Variants in PICK1 observed in about 807,000 individuals in gnomAD.
PICK1 encodes the protein protein interacting with PRKCA 1.
Under a neutral mutation model 48.9 loss-of-function variants are expected in PICK1, and 23 were observed. The ratio of observed to expected loss-of-function variants is 0.47; its 90% CI spans 0.34 to 0.67. PICK1 has a LOEUF of 0.67. PICK1 is among the 30% of genes least tolerant of loss of function. PICK1 has a pLI of 0.01. For missense variants in PICK1, 423 were observed against 557.1 expected, an observed-to-expected ratio of 0.76 and a Z score of 2.42; for synonymous variants, 217 against 228.2, an observed-to-expected ratio of 0.95 and a Z score of 0.44.
chr22:38,073,064 A>G lies in PICK1; in HGVS notation c.755A>G (p.Lys252Arg), dbSNP rs1601958645. The change falls in exon 10 of 13, where the codon AAG becomes AGG. Residue 252 changes from lysine (K) to arginine (R), a missense_variant. By Grantham distance (26) the Lys-to-Arg change is conservative. Transcript: ENST00000356976. The surrounding 1 kb of genome is among the most constrained non-coding windows in gnomAD (Gnocchi z 5.7). ...CCGGACACTCGCCTCACCATCAAGAAGTACCTGGACGTGAAGTTTGAGTAC... is the reference window on the plus strand; with the variant it reads ...CCGGACACTCGCCTCACCATCAAGAGGTACCTGGACGTGAAGTTTGAGTAC... ...AIPDTRLTIKKYLDVKFEYLS... is the reference protein window; with the variant it reads ...AIPDTRLTIKRYLDVKFEYLS... 1 of 1,613,566 alleles carries G rather than the reference A, an allele frequency of 6.2e-7. No individual in the cohort carries two copies. Among genetic ancestry groups the G allele is most frequent in the South Asian group, 1.1e-5 (1 of 91,086 alleles).
At chr22:38,058,874 G>T (rs2085333757) in intron 2 of PICK1, among the ~76,000 whole-genome samples, 1 of 152,174 alleles carries the variant, frequency 6.6e-6, no homozygotes, top group African/African-American at 2.4e-5. Flanking sequence ...AGGCGTGGTG[G>T]CAGGCACCTG....
chr22:38,074,434 T>C lies in PICK1; in HGVS notation c.962T>C (p.Leu321Pro). The C allele has an allele frequency of 6.2e-7, 1 of 1,613,154 alleles. No homozygotes were observed. The highest frequency in any genetic ancestry group is 1.1e-5 in the South Asian group (1 of 91,076). The change falls in exon 12 of 13, where the codon CTG becomes CCG. Residue 321 changes from leucine to proline, a missense_variant. This residue lies in a region of PICK1 where 144 missense variants were observed against 139.3 expected (regional missense o/e 1.03). Transcript: ENST00000356976. This position sits in a 1 kb window ranked among gnomAD's most constrained non-coding sequence, Gnocchi z 4.5. The stretch of plus-strand genomic sequence containing the variant: ...AAGGATGTGCTGGAGAAGATGGAGC[T>C]GCTGGACCAGAAGCACGGTGAGCGC... ...MRKDVLEKME[L>P]LDQKHVQDIV... is the part of the protein sequence containing the mutation.
At position 38,062,342 on chromosome 22, in the gene PICK1, G is replaced by C. The variant is rs575443759; in HGVS notation, c.154-2660G>C. Among the ~76,000 whole-genome samples the C allele has an allele frequency of 2.2e-4, 33 of 151,726 alleles. No homozygotes were observed. The South Asian group carries it at 6.9e-3, about 32-fold the overall frequency. On this transcript the variant is annotated intron_variant, in intron 3 of 12. Transcript: ENST00000356976. ...GGCTCACTGCAACCTCCAGCCCCCG[G>C]GTTCAAGTGATTCCCCTGCCTCAGC... is the stretch of plus-strand genomic sequence containing the variant.
Position 38,074,749 on chromosome 22 carries a change from C to A in PICK1, c.980-115C>A. The A allele has an allele frequency of 2.2e-6, 3 of 1,378,142 alleles. No individual in the cohort carries two copies. Among genetic ancestry groups the A allele is most frequent in the Non-Finnish European group, 3.0e-6 (3 of 1,001,436 alleles). 85.4% of individuals were successfully genotyped at this position (1,378,142 alleles called of 1,614,324 possible). Reference sequence around the variant, plus strand: ...CAGGTCATGAGGGGTCAGGGAAGTGCCCGAGTGGGAAGCCCAGGGGAGGCG... The same window carrying A: ...CAGGTCATGAGGGGTCAGGGAAGTGACCGAGTGGGAAGCCCAGGGGAGGCG... On this transcript the variant is annotated intron_variant, in intron 12 of 12. Coordinates refer to ENST00000356976, the MANE Select transcript of PICK1 (RefSeq NM_012407.4). The surrounding 1 kb of genome is among the most constrained non-coding windows in gnomAD (Gnocchi z 4.5).
At chr22:38,071,794 CCT>C in intron 8 of PICK1, 50 bp downstream of exon 8, 1 of 1,485,144 alleles carries the variant, frequency 6.7e-7, no homozygotes, top group South Asian at 1.1e-5. Flanking sequence ...ATCCCTGGGG[CCT>C]CTCACTCCCA....
chr22:38,069,232 C>A, intron 6 of PICK1, 110 bp downstream of exon 6: 1 of 778,594 alleles, frequency 1.3e-6, no homozygotes, highest in Non-Finnish European at 2.2e-6. Flanking sequence ...CGGGTCTGAC[C>A]CTGGCCTCTG....
chr22:38,065,345 T>C, intron 4 of PICK1: 1 of 543,342 alleles, frequency 1.8e-6, no homozygotes, highest in South Asian at 1.8e-5. Context: ...GTGCTGAACC[T>C]TGGCAAGAGA....
chr22:38,071,509 G>A (rs1037879500), intron 7 of PICK1, among the ~76,000 whole-genome samples, 173 bp from the exon 8 acceptor site: 11 of 152,206 alleles, frequency 7.2e-5, no homozygotes, highest in South Asian at 2.1e-4. Flanking sequence ...GGCTCCTCAC[G>A]GGTTGGGTCG....
At position 38,074,923 on chromosome 22, in the gene PICK1, G is replaced by A. The variant is rs765117173; in HGVS notation, c.1039G>A (p.Asp347Asn). 3.1e-6 allele frequency: 5 copies of A among 1,613,502 alleles called. No individual in the cohort carries two copies. The highest frequency in any genetic ancestry group is 1.6e-4 in the Middle Eastern group (1 of 6,084). Residue 347 changes from aspartate to asparagine, a missense_variant, in exon 13 of 13, where the codon GAC becomes AAC. Around this residue, in one of 2 missense-constraint regions of PICK1, gnomAD observed 144 missense variants for 139.3 expected, o/e 1.03. Transcript: ENST00000356976. This position sits in a 1 kb window ranked among gnomAD's most constrained non-coding sequence, Gnocchi z 4.5. ...GTCCACCATGTCCAAGTACTACAAC[G>A]ACTGCTACGCAGTGCTGCGGGATGC... ...LVSTMSKYYN[D>N]CYAVLRDADV...
At position 38,072,956 on chromosome 22, in the gene PICK1, C is replaced by A. The variant is rs371908586; in HGVS notation, c.691-44C>A. ...AGTGCCATTCATTGTCACCCTGGCACACCCCTGCCGTGACAGCCTCAGCAT... is the reference window on the plus strand; with the variant it reads ...AGTGCCATTCATTGTCACCCTGGCAAACCCCTGCCGTGACAGCCTCAGCAT... On this transcript the variant is annotated intron_variant, in intron 9 of 12. Transcript: ENST00000356976. 6.9e-6 allele frequency: 9 copies of A among 1,310,732 alleles called. No individual in the cohort carries two copies. The East Asian group carries it at 1.8e-4, about 27-fold the overall frequency. The allele number at this position is 1,310,732 out of a possible 1,614,324, so 81.2% of individuals were successfully genotyped here.
rs1432812979 is a variant in PICK1, at chr22:38,067,685, G to T, written c.283-19G>T. ...GGTGTGGAGCCTCGCTCACTAGTCT[G>T]TGTGTGCTGCTCTTCCAGGGGGAGG... On this transcript the variant is annotated intron_variant, in intron 4 of 12. Transcript: ENST00000356976. 2 of 1,610,742 alleles carry T rather than the reference G, an allele frequency of 1.2e-6. No individual in the cohort carries two copies. Among genetic ancestry groups the T allele is most frequent in the Non-Finnish European group, 1.7e-6 (2 of 1,177,096 alleles).
chr22:38,075,233 T>C lies in PICK1; in HGVS notation c.*101T>C. 8.4e-7 allele frequency: 1 copy of C among 1,197,370 alleles called. No homozygotes were observed. Among genetic ancestry groups the C allele is most frequent in the African/African-American group, 1.5e-5 (1 of 65,528 alleles). 74.2% of individuals were successfully genotyped at this position (1,197,370 alleles called of 1,614,324 possible). A position where few individuals can be genotyped will look rare whatever the true frequency, so the allele number is the denominator to read the frequency against. The stretch of plus-strand genomic sequence containing the variant: ...AAGGGGGCGACGCATAAAGGCCTGC[T>C]GGCTTGGGGCGCCTGCCTCCCTGCT... On this transcript the variant is annotated 3_prime_UTR_variant, in exon 13 of 13. Transcript: ENST00000356976.
intron 7 of PICK1, 46 bp from the exon 8 acceptor site, chr22:38,071,635 GT>G (rs2085695715): frequency 6.4e-7 from 1 of 1,561,504 alleles, no homozygotes; most frequent in African/African-American, 1.4e-5. Flanking sequence ...GGCCAGTGTG[GT>G]CCCCGCCATG....
Position 38,073,854 on chromosome 22 carries a change from C to T in PICK1, c.834+31C>T. 6.2e-7 allele frequency: 1 copy of T among 1,603,894 alleles called. No homozygotes were observed. Among genetic ancestry groups the T allele is most frequent in the South Asian group, 1.1e-5 (1 of 90,912 alleles). ...TGTTGGAGGGGGTGGGGGGCTTGTA[C>T]TTCCCCCCACCTGGTCTGCCAGGGA... On this transcript the variant is annotated intron_variant, in intron 11 of 12. Transcript: ENST00000356976. The surrounding 1 kb of genome is among the most constrained non-coding windows in gnomAD (Gnocchi z 5.7).
chr22:38,070,521 A>G (rs2085652322), intron 6 of PICK1, among the ~76,000 whole-genome samples: 1 of 152,150 alleles, frequency 6.6e-6, no homozygotes, highest in African/African-American at 2.4e-5. Flanking sequence ...TTCCTGCGCT[A>G]GAGGCCTGGC....
chr22:38,064,861 G>T (rs999779302), intron 3 of PICK1, 141 bp from the exon 4 acceptor site: 9 of 944,794 alleles, frequency 9.5e-6, no homozygotes, highest in Non-Finnish European at 1.5e-5. Context: ...CTGCACTCCA[G>T]CCCGGGTGGT....
intron 3 of PICK1, among the ~76,000 whole-genome samples, chr22:38,061,224 C>T (rs1320612129): frequency 2.6e-5 from 4 of 151,918 alleles, no homozygotes; most frequent in Non-Finnish European, 5.9e-5. Context: ...TCCTGTAATC[C>T]CAGCTACTTG....
intron 4 of PICK1, among the ~76,000 whole-genome samples, chr22:38,067,307 CTTTTTTTTTTTT>C (rs33993578): frequency 9.0e-6 from 1 of 110,678 alleles, no homozygotes; most frequent in Non-Finnish European, 1.8e-5. Flanking sequence ...GCTTAGGATT[CTTTTTTTTTTTT>C]TTTTTTTTGA....
Position 38,074,022 on chromosome 22 carries a change from TG to T in PICK1, c.834+204del. The T allele has an allele frequency of 1.6e-6, 1 of 643,600 alleles. No individual in the cohort carries two copies. 39.9% of individuals were successfully genotyped at this position (643,600 alleles called of 1,614,324 possible). A position where few individuals can be genotyped will look rare whatever the true frequency, so the allele number is the denominator to read the frequency against. On this transcript the variant is annotated intron_variant, in intron 11 of 12. Transcript: ENST00000356976. This position sits in a 1 kb window ranked among gnomAD's most constrained non-coding sequence, Gnocchi z 4.5. Reference sequence around the variant, plus strand: ...CCGGCCGGGAACCACTCCCTCAGTCTGGGGGACTCTTGGAGGGAAATCGGAT... The same window carrying T: ...CCGGCCGGGAACCACTCCCTCAGTCTGGGGACTCTTGGAGGGAAATCGGAT...
Sources: gnomAD v4.1 joint callset for allele counts (sites outside exome capture counted in the v4.1 genomes callset) on GRCh38, gnomAD v4.1.1 for gene constraint, gnomAD v4.1.1 regional missense constraint, Gnocchi (gnomAD v3.1) non-coding constraint, MANE v1.5 for transcripts, NCBI Gene and HGNC (gene_info 2026-07-23, HGNC 2026-07-21) for gene names.